The following TP53BP1 variants were observed in gnomAD, a reference collection of about 807,000 sequenced individuals.
TP53BP1 encodes tumor protein p53 binding protein 1, also known as TP53-binding protein 1.
In TP53BP1, 61 loss-of-function variants were observed where a neutral mutation model predicts 200.8. The observed-to-expected ratio is 0.30, with a 90% confidence interval of 0.25 to 0.38. The LOEUF (loss-of-function observed/expected upper bound fraction) is 0.38. Among genes scored for constraint, TP53BP1 ranks in the 10% least tolerant of loss-of-function variants. The probability of loss-of-function intolerance (pLI) is 1.00; values close to 1 mark genes in which losing one functional copy is unlikely to be tolerated. For missense variants in TP53BP1, 2,144 were observed against 2,371.9 expected (o/e 0.90, Z 2.00); for synonymous variants, 822 against 844.3 (o/e 0.97, Z 0.46).
rs957385246 is a variant in TP53BP1, at chr15:43,453,010, C to T, written c.2716+2882G>A. 5.3e-5 allele frequency among the ~76,000 whole-genome samples: 8 copies of T among 151,746 alleles called. 1 individual carries two copies. In the South Asian group the frequency reaches 1.2e-3, roughly 24 times the overall value. ...GAGATCGAGACCATCCTGGCTAACA[C>T]GGTGAAACCCCGTCTCTACTAAAAA... On this transcript the variant is annotated intron_variant, in intron 12 of 27. Coordinates refer to ENST00000382044, the MANE Select transcript of TP53BP1 (RefSeq NM_001141980.3).
chr15:43,421,295 G>T, intron 19 of TP53BP1, 121 bp from the exon 20 acceptor site: 1 of 1,072,466 alleles, frequency 9.3e-7, no homozygotes. Context: ...TGGGGCAGCA[G>T]GAAGCTGGTT....
In TP53BP1 at chr15:43,463,828, G is replaced by A. The variant is rs559312536; in HGVS notation, c.1389+6030C>T. Among the ~76,000 whole-genome samples the A allele has an allele frequency of 2.6e-5, 4 of 152,246 alleles. No homozygotes were observed. The South Asian group carries it at 8.3e-4, about 32-fold the overall frequency. On this transcript the variant is annotated intron_variant, in intron 11 of 27. Transcript: ENST00000382044. ...CCAGGACTGGCAGACAAGAGGCACA[G>A]TTATCAGGAAGTACAATACTGAAAA...
intron 4 of TP53BP1, 125 bp from the exon 5 acceptor site, chr15:43,481,147 CT>C: frequency 1.0e-6 from 1 of 955,346 alleles, no homozygotes; most frequent in Non-Finnish European, 1.6e-6. Flanking sequence ...AATACCTCAC[CT>C]TTATAGTGCT....
chr15:43,447,395 A>G lies in TP53BP1; in HGVS notation c.2807T>C (p.Leu936Ser), dbSNP rs1298106514. 10 of 1,604,114 alleles carry G rather than the reference A, an allele frequency of 6.2e-6. No individual in the cohort carries two copies. The highest frequency in any genetic ancestry group is 7.6e-6 in the Non-Finnish European group (9 of 1,177,532). ...AGGAGTACTGTGTCTCTTGGGCTCCAATTTTAGGTGCCCAATAAGAGGTGG... is the reference window on the plus strand; with the variant it reads ...AGGAGTACTGTGTCTCTTGGGCTCCGATTTTAGGTGCCCAATAAGAGGTGG... Reference protein sequence around the residue: ...ATPPLIGHLKLEPKRHSTPIG... With the variant: ...ATPPLIGHLKSEPKRHSTPIG... The change falls in exon 13 of 28, where the codon TTG becomes TCG. Residue 936 changes from leucine to serine, a missense_variant. Leu to Ser is a moderately radical substitution (Grantham distance 145, BLOSUM62 -2). This residue lies in a region of TP53BP1 where 1,700 missense variants were observed against 1,710.3 expected (regional missense o/e 0.99). Coordinates refer to ENST00000382044, the MANE Select transcript of TP53BP1 (RefSeq NM_001141980.3).
Position 43,467,142 on chromosome 15 carries a change from TTCCCAGA to T in TP53BP1, c.1389+2709_1389+2715del, listed in dbSNP as rs1220858342. Among the ~76,000 whole-genome samples the T allele has an allele frequency of 4.6e-5, 7 of 151,938 alleles. No individual in the cohort carries two copies. The East Asian group carries it at 1.4e-3, about 29-fold the overall frequency. ...GATCATGGCTCACTGCAGCCTCAAC[TTCCCAGA>T]TTCAAGCAATTCTCCAGGCAATTCT... is the stretch of plus-strand genomic sequence containing the variant. On this transcript the variant is annotated intron_variant, in intron 11 of 27. Transcript: ENST00000382044.
chr15:43,479,366 T>C, intron 7 of TP53BP1, 31 bp downstream of exon 7: 1 of 1,571,312 alleles, frequency 6.4e-7, no homozygotes, highest in East Asian at 2.3e-5. Flanking sequence ...ACAGCAAAAC[T>C]CGTAAATCCT....
In TP53BP1 at chr15:43,411,500, C is replaced by T. The variant is rs117199097; in HGVS notation, c.5305+1619G>A. Among the ~76,000 whole-genome samples the T allele has an allele frequency of 7.6e-3, 1,163 of 152,322 alleles. 42 individuals are homozygous for T. Among genetic ancestry groups the T allele is most frequent in the Admixed American group, 0.057 (865 of 15,302 alleles). On this transcript the variant is annotated intron_variant, in intron 24 of 27. Transcript: ENST00000382044. ...TCTAAGAATTCCTATTTATCTGTAA[C>T]ATCTACCAAACAGTTTCTTAAAAAC... is the stretch of plus-strand genomic sequence containing the variant.
In TP53BP1 at chr15:43,456,802, A is replaced by G. The variant is rs939112899; in HGVS notation, c.1806T>C (p.Ile602=). 1 of 1,613,790 alleles carries G rather than the reference A, an allele frequency of 6.2e-7. No individual in the cohort carries two copies. The highest frequency in any genetic ancestry group is 8.5e-7 in the Non-Finnish European group (1 of 1,180,016). Residue 602 remains isoleucine (I), a synonymous_variant, in exon 12 of 28, where the codon ATT becomes ATC. Coordinates refer to ENST00000382044, the MANE Select transcript of TP53BP1 (RefSeq NM_001141980.3). ...CCTTGCAACCAGTGGCTAAAATACT[A>G]ATGTCATCCCTGGTGTCTGTATCAT... ...KGDDTDTRDD[I]SILATGCKGR...
Position 43,456,719 on chromosome 15 carries a change from C to G in TP53BP1, c.1889G>C (p.Ser630Thr). 1 of 1,614,154 alleles carries G rather than the reference C, an allele frequency of 6.2e-7. No individual in the cohort carries two copies. The highest frequency in any genetic ancestry group is 8.5e-7 in the Non-Finnish European group (1 of 1,180,044). The part of the protein sequence containing the change: ...VCIDLTCDSG[S>T]QAVPSPATRS... ...AGTAGCTGGTGACGGAACTGCCTGA[C>G]TCCCCGAATCACAAGTGAGATCAAT... Residue 630 changes from serine (S) to threonine (T), a missense_variant, in exon 12 of 28, where the codon AGT becomes ACT. Around this residue, in one of 4 missense-constraint regions of TP53BP1, gnomAD observed 1,700 missense variants for 1,710.3 expected, o/e 0.99. Coordinates refer to ENST00000382044, the MANE Select transcript of TP53BP1 (RefSeq NM_001141980.3).
chr15:43,438,002 G>A (rs1460139189), intron 16 of TP53BP1, among the ~76,000 whole-genome samples: 1 of 152,228 alleles, frequency 6.6e-6, no homozygotes, highest in Non-Finnish European at 1.5e-5. Flanking sequence ...ACATCACATG[G>A]TGAGGGTGCA....
Position 43,407,056 on chromosome 15 carries a change from G to T in TP53BP1, c.*327C>A. On this transcript the variant is annotated 3_prime_UTR_variant, in exon 28 of 28. Coordinates refer to ENST00000382044, the MANE Select transcript of TP53BP1 (RefSeq NM_001141980.3). Reference sequence around the variant, plus strand: ...TAGACACCCTGGAATAACCTTTTGGGAATGATGCCACAGAATAAAGTTCAC... The same window carrying T: ...TAGACACCCTGGAATAACCTTTTGGTAATGATGCCACAGAATAAAGTTCAC... 1 of 259,956 alleles carries T rather than the reference G, an allele frequency of 3.8e-6. No individual in the cohort carries two copies. Among genetic ancestry groups the T allele is most frequent in the Non-Finnish European group, 7.5e-6 (1 of 133,930 alleles). The allele number at this position is 259,956 out of a possible 1,614,324, so 16.1% of individuals were successfully genotyped here. A position where few individuals can be genotyped will look rare whatever the true frequency, so the allele number is the denominator to read the frequency against.
At chr15:43,421,787 T>C in intron 19 of TP53BP1, 68 bp downstream of exon 19, 1 of 1,571,700 alleles carries the variant, frequency 6.4e-7, no homozygotes, top group Non-Finnish European at 8.6e-7. Context: ...CCCCTTTTCC[T>C]GTGATATTAA....
intron 4 of TP53BP1, among the ~76,000 whole-genome samples, chr15:43,487,507 A>G (rs1595622927): frequency 6.6e-6 from 1 of 152,132 alleles, no homozygotes; most frequent in East Asian, 1.9e-4. Flanking sequence ...AAACCTGTAC[A>G]TATGGCCGGG....
intron 5 of TP53BP1, among the ~76,000 whole-genome samples, chr15:43,480,415 T>C (rs2078946822): frequency 6.6e-6 from 1 of 151,884 alleles, no homozygotes; most frequent in Admixed American, 6.6e-5. Context: ...GCCACTGCAC[T>C]CTAACCTGGG....
In TP53BP1 at chr15:43,446,402, G is replaced by T; in HGVS notation, c.3025C>A (p.Gln1009Lys). The change falls in exon 14 of 28, where the codon CAG becomes AAG. Residue 1009 changes from glutamine (Q) to lysine (K), a missense_variant. Around this residue, in one of 4 missense-constraint regions of TP53BP1, gnomAD observed 1,700 missense variants for 1,710.3 expected, o/e 0.99. Transcript: ENST00000382044. ...PETEASEESL[Q>K]FNLEKPATGE... ...TAAAACTTACTTTCCAGGTTGAACT[G>T]CAAAGACTCTTCACTCGCCTCAGTC... The T allele has an allele frequency of 6.2e-7, 1 of 1,614,008 alleles. No homozygotes were observed. The highest frequency in any genetic ancestry group is 8.5e-7 in the Non-Finnish European group (1 of 1,179,922).
intron 11 of TP53BP1, among the ~76,000 whole-genome samples, chr15:43,468,273 G>A (rs933585107): frequency 1.2e-4 from 19 of 152,050 alleles, no homozygotes; most frequent in Non-Finnish European, 2.6e-4. Context: ...GGCCAGGTAC[G>A]GTGGCCCACA....
intron 5 of TP53BP1, among the ~76,000 whole-genome samples, 160 bp from the exon 6 acceptor site, chr15:43,480,177 G>C (rs368606849): frequency 1.3e-5 from 2 of 152,196 alleles, no homozygotes; most frequent in African/African-American, 4.8e-5. Flanking sequence ...GGCCGAGCAC[G>C]GTGGCTCACA....
rs756412668 is a variant in TP53BP1 at position 43,491,766 on chromosome 15, A to G, written c.287-13T>C. 1 of 1,601,958 alleles carries G rather than the reference A, an allele frequency of 6.2e-7. No homozygotes were observed. Among genetic ancestry groups the G allele is most frequent in the Non-Finnish European group, 8.6e-7 (1 of 1,169,004 alleles). Reference sequence around the variant, plus strand: ...GAATCCACAGGGTCTGAAAAAAATAACTGGATATTAGCATGAAAGACATTT... The same window carrying G: ...GAATCCACAGGGTCTGAAAAAAATAGCTGGATATTAGCATGAAAGACATTT... On this transcript the variant is annotated splice_polypyrimidine_tract_variant and intron_variant, in intron 3 of 27. Coordinates refer to ENST00000382044, the MANE Select transcript of TP53BP1 (RefSeq NM_001141980.3).
upstream of TP53BP1, among the ~76,000 whole-genome samples, chr15:43,493,693 C>T (rs990582312): frequency 1.3e-5 from 2 of 152,216 alleles, no homozygotes; most frequent in Non-Finnish European, 2.9e-5. Context: ...CATTACATCT[C>T]TGCCAGGGCG....
Sources: allele counts gnomAD v4.1 joint callset (sites outside exome capture counted in the v4.1 genomes callset), GRCh38; gene constraint gnomAD v4.1.1; regional missense constraint gnomAD v4.1.1; transcripts MANE v1.5; gene names NCBI Gene and HGNC (gene_info 2026-07-23, HGNC 2026-07-21).